The following SLC9A2 variants were observed in gnomAD, a reference collection of about 807,000 sequenced individuals.
SLC9A2 encodes the protein solute carrier family 9 member A2.
Under a neutral mutation model 71.7 loss-of-function variants are expected in SLC9A2, and 42 were observed. That is an observed-to-expected ratio of 0.59 (90% CI 0.46 to 0.76). The LOEUF is 0.76. SLC9A2 is among the 30% of genes least tolerant of loss of function. The pLI is 0.00. For missense variants in SLC9A2, 829 were observed against 1,017.4 expected, an observed-to-expected ratio of 0.81 and a Z score of 2.52; for synonymous variants, 396 against 392.5, an observed-to-expected ratio of 1.01 and a Z score of -0.10.
chr2:102,704,932 T>A (rs1406193865), intron 10 of SLC9A2, among the ~76,000 whole-genome samples: 1 of 152,104 alleles, frequency 6.6e-6, no homozygotes, highest in African/African-American at 2.4e-5. Flanking sequence ...TGGTGGCTCA[T>A]GCCTGTAAAT....
intron 11 of SLC9A2, among the ~76,000 whole-genome samples, chr2:102,707,813 C>T (rs528488364): frequency 6.6e-6 from 1 of 152,150 alleles, no homozygotes; most frequent in Admixed American, 6.5e-5. Context: ...ACCTAGTTAC[C>T]CCATCTGTAA....
chr2:102,687,374 A>G (rs1029834883), intron 5 of SLC9A2, among the ~76,000 whole-genome samples: 19 of 152,346 alleles, frequency 1.2e-4, no homozygotes, highest in South Asian at 1.0e-3. Flanking sequence ...GAATACATCA[A>G]TAATTAAGGA....
chr2:102,706,966 T>TGGGATGTC (rs1677991597), intron 11 of SLC9A2, among the ~76,000 whole-genome samples: 1 of 152,212 alleles, frequency 6.6e-6, no homozygotes, highest in African/African-American at 2.4e-5. Flanking sequence ...TATTAAAATG[T>TGGGATGTC]GGGATGTCTA....
intron 3 of SLC9A2, among the ~76,000 whole-genome samples, chr2:102,682,181 G>A (rs933876342): frequency 5.3e-5 from 8 of 152,118 alleles, no homozygotes; most frequent in South Asian, 2.1e-4. Flanking sequence ...CAGGACCTTC[G>A]TAATGAAATT....
At position 102,684,341 on chromosome 2, in the gene SLC9A2, G is replaced by A; in HGVS notation, c.1425+5G>A. ...TTCTTTACTGTCTTCATTCTGGTAA[G>A]TAGAGTGATCCCTTTACCAGGAGGG... On this transcript the variant is annotated splice_donor_5th_base_variant and intron_variant, in intron 5 of 11. Coordinates refer to ENST00000233969, the MANE Select transcript of SLC9A2 (RefSeq NM_003048.6). 6.2e-7 allele frequency: 1 copy of A among 1,611,260 alleles called. No homozygotes were observed. Among genetic ancestry groups the A allele is most frequent in the Non-Finnish European group, 8.5e-7 (1 of 1,177,360 alleles).
Position 102,619,876 on chromosome 2 carries a change from C to T in SLC9A2, c.28C>T (p.Leu10=), listed in dbSNP as rs898325951. 4.5e-6 allele frequency: 7 copies of T among 1,555,322 alleles called. No individual in the cohort carries two copies. In the East Asian group the frequency reaches 9.4e-5, roughly 21 times the overall value. Residue 10 remains leucine, a synonymous_variant, in exon 1 of 12, where the codon CTG becomes TTG. Coordinates refer to ENST00000233969, the MANE Select transcript of SLC9A2 (RefSeq NM_003048.6). This position sits in a 1 kb window ranked among gnomAD's most constrained non-coding sequence, Gnocchi z 4.3. MEPLGNWRS[L]RAPLPPMLLL... ...GGAACCACTGGGCAACTGGAGGAGC[C>T]TGCGGGCGCCACTGCCTCCGATGCT...
At chr2:102,703,284 A>G (rs1207205565) in intron 9 of SLC9A2, among the ~76,000 whole-genome samples, 2 of 152,148 alleles carry the variant, frequency 1.3e-5, no homozygotes, top group Admixed American at 6.5e-5. Flanking sequence ...ATTCGTTGAA[A>G]ATTTGGACTC....
At chr2:102,688,491 A>AG (rs770226599) in intron 5 of SLC9A2, among the ~76,000 whole-genome samples, 9 of 152,336 alleles carry the variant, frequency 5.9e-5, no homozygotes, top group Non-Finnish European at 1.2e-4. Flanking sequence ...GCACTTTGGG[A>AG]GGCCAAGGCG....
At position 102,709,146 on chromosome 2, in the gene SLC9A2, C is replaced by T. The variant is rs1265635353; in HGVS notation, c.*657C>T. The T allele has an allele frequency of 1.3e-5, 2 of 152,492 alleles. 1 individual carries two copies. The highest frequency in any genetic ancestry group is 2.9e-5 in the Non-Finnish European group (2 of 68,124). The allele number at this position is 152,492 out of a possible 1,614,324, so 9.4% of individuals were successfully genotyped here. A position where few individuals can be genotyped will look rare whatever the true frequency, so the allele number is the denominator to read the frequency against. Reference sequence around the variant, plus strand: ...AGAACTCCTATGAACTACTGAGAGTCTACTGGTTTTTAACTTGTTCCTCTG... The same window carrying T: ...AGAACTCCTATGAACTACTGAGAGTTTACTGGTTTTTAACTTGTTCCTCTG... On this transcript the variant is annotated 3_prime_UTR_variant, in exon 12 of 12. Coordinates refer to ENST00000233969, the MANE Select transcript of SLC9A2 (RefSeq NM_003048.6).
In SLC9A2 at chr2:102,665,213, C is replaced by T. The variant is rs1193937946; in HGVS notation, c.867C>T (p.Gly289=). The T allele has an allele frequency of 3.1e-6, 5 of 1,614,000 alleles. No individual in the cohort carries two copies. In the South Asian group the frequency reaches 5.5e-5, roughly 18 times the overall value. The change falls in exon 3 of 12, where the codon GGC becomes GGT. Residue 289 remains glycine (G), a synonymous_variant. Coordinates refer to ENST00000233969, the MANE Select transcript of SLC9A2 (RefSeq NM_003048.6). ...TGGGAATCGGTGGGGTGCTGATTGGCATCTTCTTGGGCTTTATAGCGGCAT... is the reference window on the plus strand; with the variant it reads ...TGGGAATCGGTGGGGTGCTGATTGGTATCTTCTTGGGCTTTATAGCGGCAT... ...FVVGIGGVLI[G]IFLGFIAAFT... is the part of the protein sequence containing the mutation.
chr2:102,685,304 A>T (rs1677527793), intron 5 of SLC9A2, among the ~76,000 whole-genome samples: 1 of 152,178 alleles, frequency 6.6e-6, no homozygotes, highest in Non-Finnish European at 1.5e-5. Flanking sequence ...GAGGCGAAGC[A>T]GGGTCTGGAG....
intron 3 of SLC9A2, among the ~76,000 whole-genome samples, chr2:102,678,513 T>C (rs1166736814): frequency 6.6e-6 from 1 of 152,112 alleles, no homozygotes; most frequent in African/African-American, 2.4e-5. Context: ...TTTAGGTTAT[T>C]ATTTTGTTGG....
At chr2:102,670,316 G>A (rs142064280) in intron 3 of SLC9A2, among the ~76,000 whole-genome samples, 9 of 151,864 alleles carry the variant, frequency 5.9e-5, no homozygotes, top group East Asian at 5.8e-4. Context: ...ACGCCCGGCC[G>A]TGCCCAGTAT....
chr2:102,657,533 A>G, intron 1 of SLC9A2, 31 bp from the exon 2 acceptor site: 1 of 1,488,076 alleles, frequency 6.7e-7, no homozygotes, highest in Non-Finnish European at 9.1e-7. Context: ...TCCATAACCC[A>G]AGTTGTGTGT....
intron 4 of SLC9A2, 62 bp downstream of exon 4, chr2:102,683,540 C>T: frequency 7.8e-7 from 1 of 1,280,456 alleles, no homozygotes; most frequent in South Asian, 1.3e-5. Context: ...TGGGGCTTTC[C>T]TTTTGTCATT....
intron 9 of SLC9A2, among the ~76,000 whole-genome samples, chr2:102,703,396 G>A (rs1677911691): frequency 6.6e-6 from 1 of 151,962 alleles, no homozygotes; most frequent in Non-Finnish European, 1.5e-5. Context: ...TCGTTCTTTG[G>A]CCCAGGTAGC....
intron 1 of SLC9A2, among the ~76,000 whole-genome samples, chr2:102,622,313 T>C (rs1022073058): frequency 2.6e-5 from 4 of 152,022 alleles, no homozygotes; most frequent in African/African-American, 9.6e-5. Context: ...CCAAAATGAA[T>C]GACCTGTTCC....
chr2:102,681,422 T>C (rs1677451303), intron 3 of SLC9A2, among the ~76,000 whole-genome samples: 1 of 152,200 alleles, frequency 6.6e-6, no homozygotes, highest in Non-Finnish European at 1.5e-5. Context: ...GGCACCACCA[T>C]TTATTAGCAC....
intron 1 of SLC9A2, among the ~76,000 whole-genome samples, chr2:102,640,469 T>G (rs1022029549): frequency 2.0e-5 from 3 of 151,590 alleles, no homozygotes; most frequent in Non-Finnish European, 4.4e-5. Flanking sequence ...AAACTGGGAG[T>G]CCCCTGACCT....
Sources: gnomAD v4.1 joint callset for allele counts (sites outside exome capture counted in the v4.1 genomes callset) on GRCh38, gnomAD v4.1.1 for gene constraint, Gnocchi (gnomAD v3.1) non-coding constraint, MANE v1.5 for transcripts, NCBI Gene and HGNC (gene_info 2026-07-23, HGNC 2026-07-21) for gene names.